ZFPM2: variants seen among roughly 807,000 people sequenced by gnomAD.
ZFPM2 encodes zinc finger protein, FOG family member 2.
A neutral mutation model predicts 98.6 loss-of-function variants in ZFPM2; 20 were observed. The observed-to-expected ratio is 0.20, with a 90% CI of 0.14 to 0.29. ZFPM2 has a LOEUF of 0.29. Among genes scored for constraint, ZFPM2 ranks in the 10% least tolerant of loss-of-function variants. The probability of loss-of-function intolerance (pLI) is 1.00; values close to 1 mark genes in which losing one functional copy is unlikely to be tolerated. For missense variants in ZFPM2, 1,310 were observed against 1,388.6 expected (o/e 0.94, Z 0.90); for synonymous variants, 518 against 502.7 (o/e 1.03, Z -0.41).
intron 3 of ZFPM2, among the ~76,000 whole-genome samples, chr8:105,537,784 G>T (rs1814486254): frequency 6.6e-6 from 1 of 151,654 alleles, no homozygotes; most frequent in Non-Finnish European, 1.5e-5. Context: ...AGGCTGGAGT[G>T]CAGTGGCACA....
chr8:105,437,010 TATC>T (rs1410491580), intron 2 of ZFPM2, among the ~76,000 whole-genome samples: 1 of 152,232 alleles, frequency 6.6e-6, no homozygotes, highest in Non-Finnish European at 1.5e-5. Context: ...CATCCAAATT[TATC>T]ATTTCATATG....
intron 3 of ZFPM2, among the ~76,000 whole-genome samples, chr8:105,529,854 C>T (rs1334849480): frequency 2.0e-5 from 3 of 151,972 alleles, no homozygotes; most frequent in African/African-American, 4.8e-5. Context: ...CCTCAACTTC[C>T]CGAGTAGCTG....
intron 5 of ZFPM2, among the ~76,000 whole-genome samples, chr8:105,771,379 C>T (rs985127813): frequency 4.6e-5 from 7 of 152,120 alleles, no homozygotes; most frequent in African/African-American, 1.4e-4. Context: ...AAAGAATTCT[C>T]TCTTTATTCT....
Position 105,654,575 on chromosome 8 carries a change from CT to C in ZFPM2, c.532+20229del, listed in dbSNP as rs59285951. 1.4e-3 allele frequency among the ~76,000 whole-genome samples: 205 copies of C among 150,084 alleles called. 1 individual carries two copies. Among genetic ancestry groups the C allele is most frequent in the African/African-American group, 4.4e-3 (179 of 41,070 alleles). ...ATTAAGATTTATCTTTTTTTCTATC[CT>C]TTTTTTTTTTAAAAATGAAAGCACC... On this transcript the variant is annotated intron_variant, in intron 5 of 7. Coordinates refer to ENST00000407775, the MANE Select transcript of ZFPM2 (RefSeq NM_012082.4).
At chr8:105,474,176 G>A (rs1586398783) in intron 3 of ZFPM2, among the ~76,000 whole-genome samples, 1 of 152,294 alleles carries the variant, frequency 6.6e-6, no homozygotes. Context: ...TTCTGTTTCA[G>A]TCTTTGTTTC....
At chr8:105,618,629 T>A (rs1023320779) in intron 4 of ZFPM2, among the ~76,000 whole-genome samples, 1 of 152,194 alleles carries the variant, frequency 6.6e-6, no homozygotes, top group Admixed American at 6.5e-5. Flanking sequence ...ACATATCCAG[T>A]GCTGCTTAAG....
chr8:105,610,787 C>T (rs2130799101), intron 4 of ZFPM2, among the ~76,000 whole-genome samples: 1 of 152,310 alleles, frequency 6.6e-6, no homozygotes, highest in African/African-American at 2.4e-5. Flanking sequence ...CTGCTCTGCA[C>T]ATGGCCTCAA....
chr8:105,414,584 C>T (rs1409814269), intron 1 of ZFPM2, among the ~76,000 whole-genome samples: 2 of 149,704 alleles, frequency 1.3e-5, no homozygotes. Context: ...CTCAGAATGC[C>T]TATATGTTTT....
At chr8:105,691,603 A>G (rs543370733) in intron 5 of ZFPM2, among the ~76,000 whole-genome samples, 28 of 152,148 alleles carry the variant, frequency 1.8e-4, no homozygotes, top group African/African-American at 6.7e-4. Flanking sequence ...CCTTCCCCAC[A>G]GTTACCTAAT....
At position 105,430,908 on chromosome 8, in the gene ZFPM2, T is replaced by A. The variant is rs1349766615; in HGVS notation, c.199+11606T>A. 3.3e-5 allele frequency among the ~76,000 whole-genome samples: 5 copies of A among 151,118 alleles called. No individual in the cohort carries two copies. The South Asian group carries it at 6.3e-4, about 19-fold the overall frequency. On this transcript the variant is annotated intron_variant, in intron 2 of 7. Coordinates refer to ENST00000407775, the MANE Select transcript of ZFPM2 (RefSeq NM_012082.4). ...GTATCCCATTGTCCACAACTTTTTTTTTTTTTTTTTTTCGAGATGGAGTCT... is the reference window on the plus strand; with the variant it reads ...GTATCCCATTGTCCACAACTTTTTTATTTTTTTTTTTTCGAGATGGAGTCT...
chr8:105,550,218 C>T (rs984576166), intron 3 of ZFPM2, among the ~76,000 whole-genome samples: 5 of 152,158 alleles, frequency 3.3e-5, no homozygotes, highest in African/African-American at 1.2e-4. Flanking sequence ...ACCTTACCTC[C>T]TTCAAAACTC....
At chr8:105,694,204 T>C (rs978890342) in intron 5 of ZFPM2, among the ~76,000 whole-genome samples, 3 of 152,026 alleles carry the variant, frequency 2.0e-5, no homozygotes, top group Non-Finnish European at 4.4e-5. Context: ...GCCAGGATGG[T>C]CTCAATCTCC....
chr8:105,391,507 G>T (rs1204196530), intron 1 of ZFPM2, among the ~76,000 whole-genome samples: 1 of 152,154 alleles, frequency 6.6e-6, no homozygotes, highest in Non-Finnish European at 1.5e-5. Flanking sequence ...AATGCTGTTT[G>T]ATAGTATTTT....
chr8:105,452,773 A>G (rs1812513540), intron 3 of ZFPM2, among the ~76,000 whole-genome samples: 1 of 152,062 alleles, frequency 6.6e-6, no homozygotes, highest in South Asian at 2.1e-4. Context: ...ACAACAAAAC[A>G]AAACAAAACG....
chr8:105,774,427 A>G (rs1346002726), intron 5 of ZFPM2, among the ~76,000 whole-genome samples: 1 of 152,200 alleles, frequency 6.6e-6, no homozygotes, highest in African/African-American at 2.4e-5. Flanking sequence ...TCATCATAAT[A>G]ACGTATCCCG....
At chr8:105,418,393 C>G (rs2130075480) in intron 1 of ZFPM2, among the ~76,000 whole-genome samples, 1 of 152,252 alleles carries the variant, frequency 6.6e-6, no homozygotes, top group African/African-American at 2.4e-5. Context: ...TCAGATCGGT[C>G]TGAACAACTC....
At chr8:105,644,256 T>C (rs1816998246) in intron 5 of ZFPM2, among the ~76,000 whole-genome samples, 1 of 151,558 alleles carries the variant, frequency 6.6e-6, no homozygotes, top group African/African-American at 2.4e-5. Context: ...GCGCTGGCTC[T>C]GCATTGCTTT....
At chr8:105,445,102 G>A (rs1221012709) in intron 3 of ZFPM2, among the ~76,000 whole-genome samples, 5 of 152,136 alleles carry the variant, frequency 3.3e-5, no homozygotes, top group African/African-American at 4.8e-5. Flanking sequence ...AGTTTTAGCC[G>A]TAATTTCCAA....
chr8:105,330,615 T>C (rs1466404118), intron 1 of ZFPM2, among the ~76,000 whole-genome samples: 43 of 57,382 alleles, frequency 7.5e-4, no homozygotes, highest in African/African-American at 3.8e-3. Flanking sequence ...TATATACACA[T>C]ATATATATAT....
Sources: gnomAD v4.1 joint callset for allele counts (sites outside exome capture counted in the v4.1 genomes callset) on GRCh38, gnomAD v4.1.1 for gene constraint, MANE v1.5 for transcripts, NCBI Gene and HGNC (gene_info 2026-07-23, HGNC 2026-07-21) for gene names.